Variants in CYTH2 observed in about 807,000 individuals in gnomAD.
The protein encoded by CYTH2 is cytohesin 2.
CYTH2 carries 24 observed loss-of-function variants against 55.4 expected under a neutral mutation model. The observed-to-expected ratio is 0.43, with a 90% confidence interval of 0.31 to 0.61. The LOEUF (loss-of-function observed/expected upper bound fraction) is 0.61, where lower values mean the gene tolerates loss of function less well. CYTH2 is among the 20% of genes least tolerant of loss of function. CYTH2 has a pLI of 0.08. For missense variants in CYTH2, 378 were observed against 533.5 expected (o/e 0.71, Z 2.87); for synonymous variants, 221 against 209.6 (o/e 1.05, Z -0.47).
chr19:48,473,635 C>T (rs1338544440), intron 5 of CYTH2: 3 of 596,982 alleles, frequency 5.0e-6, no homozygotes, highest in Non-Finnish European at 8.9e-6. Context: ...CAGCATTGCT[C>T]TCTGCAGACC....
chr19:48,470,758 C>T (rs1013577537), intron 3 of CYTH2, 89 bp downstream of exon 3: 125 of 1,439,156 alleles, frequency 8.7e-5, no homozygotes, highest in Non-Finnish European at 1.1e-4. Flanking sequence ...GTGATGGTGC[C>T]GGGTCTATTC....
rs1336476460 is a variant in CYTH2 at position 48,473,682 on chromosome 19, C to T, written c.435-223C>T. The T allele has an allele frequency of 6.7e-6, 4 of 599,404 alleles. No homozygotes were observed. In the African/African-American group the frequency reaches 7.4e-5, roughly 11 times the overall value. The allele number at this position is 599,404 out of a possible 1,614,324, so 37.1% of individuals were successfully genotyped here. On this transcript the variant is annotated intron_variant, in intron 5 of 11. Coordinates refer to ENST00000452733, the MANE Select transcript of CYTH2 (RefSeq NM_004228.7). ...TAACAAGCCTCAACCAACCCCCAGA[C>T]CTGTCTAGCGAACTTAGCAGAAAGA...
At position 48,479,914 on chromosome 19, in the gene CYTH2, C is replaced by G. The variant is rs917457148; in HGVS notation, c.*704C>G. 6.6e-6 allele frequency: 1 copy of G among 152,610 alleles called. No homozygotes were observed. Among genetic ancestry groups the G allele is most frequent in the African/African-American group, 2.4e-5 (1 of 41,412 alleles). 9.5% of individuals were successfully genotyped at this position (152,610 alleles called of 1,614,324 possible). ...CCTGAAGGGCTGGGCAGCCTTAGATCGGGCTAAGAGGGCAGGACTGTGGGC... is the reference window on the plus strand; with the variant it reads ...CCTGAAGGGCTGGGCAGCCTTAGATGGGGCTAAGAGGGCAGGACTGTGGGC... On this transcript the variant is annotated 3_prime_UTR_variant, in exon 12 of 12. Transcript: ENST00000452733.
At chr19:48,477,480 G>T (rs1971938764) in intron 8 of CYTH2, 1 of 155,400 alleles carries the variant, frequency 6.4e-6, no homozygotes, top group Non-Finnish European at 1.4e-5. Flanking sequence ...TCTCTGGGAG[G>T]GAGGAGCCCC....
rs1971838698 is a variant in CYTH2 at position 48,473,179 on chromosome 19, C to T, written c.354-119C>T. 32 of 1,099,220 alleles carry T rather than the reference C, an allele frequency of 2.9e-5. 1 individual carries two copies. The South Asian group carries it at 3.8e-4, about 13-fold the overall frequency. 68.1% of individuals were successfully genotyped at this position (1,099,220 alleles called of 1,614,324 possible). On this transcript the variant is annotated intron_variant, in intron 4 of 11. Transcript: ENST00000452733. ...GTGGGAGTCCAGCAGGAAACTTCAC[C>T]CTCGGCAGTGGGCAGCTGTGGTGCA... is the stretch of plus-strand genomic sequence containing the variant.
At chr19:48,471,692 G>A (rs935271917) in intron 3 of CYTH2, among the ~76,000 whole-genome samples, 5 of 152,320 alleles carry the variant, frequency 3.3e-5, no homozygotes, top group South Asian at 4.1e-4. Flanking sequence ...GAAGGACTGC[G>A]TCTGCTAACA....
At chr19:48,473,260 C>T (rs781607803) in intron 4 of CYTH2, 38 bp from the exon 5 acceptor site, 3 of 1,610,670 alleles carry the variant, frequency 1.9e-6, no homozygotes, top group Admixed American at 1.7e-5. Context: ...CTGCCCCATC[C>T]TTTCCAAACT....
At chr19:48,473,858 G>A in intron 5 of CYTH2, 47 bp from the exon 6 acceptor site, 1 of 1,470,984 alleles carries the variant, frequency 6.8e-7, no homozygotes, top group East Asian at 2.3e-5. Flanking sequence ...AGTGGGGACA[G>A]GCTCCCACCA....
rs1394066938 is a variant in CYTH2 at position 48,479,359 on chromosome 19, G to A, written c.*149G>A. On this transcript the variant is annotated 3_prime_UTR_variant, in exon 12 of 12. Transcript: ENST00000452733. ...TGTTCTTTGTAATTAACACGCTGTT[G>A]GTAATCTTATTAATTATTTAACCAC... 1 of 715,344 alleles carries A rather than the reference G, an allele frequency of 1.4e-6. No individual in the cohort carries two copies. The highest frequency in any genetic ancestry group is 1.8e-5 in the African/African-American group (1 of 55,846). 44.3% of individuals were successfully genotyped at this position (715,344 alleles called of 1,614,324 possible).
intron 5 of CYTH2, 49 bp from the exon 6 acceptor site, chr19:48,473,856 C>T (rs1233808529): frequency 6.9e-7 from 1 of 1,450,584 alleles, no homozygotes; most frequent in Non-Finnish European, 9.4e-7. Context: ...AGAGTGGGGA[C>T]AGGCTCCCAC....
Position 48,469,543 on chromosome 19 carries a change from C to T in CYTH2, c.19+17C>T. ...GCGTCTATGGTAGGTCGGGGAGGGGCGGGGTCGGCTGGGAGTTGCTGGAGC... is the reference window on the plus strand; with the variant it reads ...GCGTCTATGGTAGGTCGGGGAGGGGTGGGGTCGGCTGGGAGTTGCTGGAGC... On this transcript the variant is annotated intron_variant, in intron 1 of 11. Transcript: ENST00000452733. 7.5e-7 allele frequency: 1 copy of T among 1,324,676 alleles called. No individual in the cohort carries two copies. Among genetic ancestry groups the T allele is most frequent in the South Asian group, 2.2e-5 (1 of 46,312 alleles). 82.1% of individuals were successfully genotyped at this position (1,324,676 alleles called of 1,614,324 possible).
rs933224891 is a variant in CYTH2, at chr19:48,474,575, G to T, written c.696+245G>T. On this transcript the variant is annotated intron_variant, in intron 7 of 11. Coordinates refer to ENST00000452733, the MANE Select transcript of CYTH2 (RefSeq NM_004228.7). The surrounding 1 kb of genome is among the most constrained non-coding windows in gnomAD (Gnocchi z 4.9). ...TCTGTCTCTGGCTGTTGGGCTTTCC[G>T]GCCCTCGATTGGCCTCATTCCCCAT... Among the ~76,000 whole-genome samples the T allele has an allele frequency of 6.6e-6, 1 of 151,958 alleles. No homozygotes were observed. The highest frequency in any genetic ancestry group is 2.1e-4 in the South Asian group (1 of 4,824).
chr19:48,474,247 C>T lies in CYTH2; in HGVS notation c.613C>T (p.Arg205Trp), dbSNP rs1336327110. Residue 205 changes from arginine to tryptophan, a missense_variant, in exon 7 of 12, where the codon CGG (arginine) becomes TGG (tryptophan). Transcript: ENST00000452733. This position sits in a 1 kb window ranked among gnomAD's most constrained non-coding sequence, Gnocchi z 4.9. ...CACCAGTCTCCACAATCCCAATGTC[C>T]GGGACAAGCCGGGCCTGGAGCGCTT... Reference protein sequence around the residue: ...LNTSLHNPNVRDKPGLERFVA... With the variant: ...LNTSLHNPNVWDKPGLERFVA... 3.1e-6 allele frequency: 5 copies of T among 1,613,382 alleles called. No individual in the cohort carries two copies. The highest frequency in any genetic ancestry group is 1.3e-5 in the African/African-American group (1 of 74,996).
At position 48,474,306 on chromosome 19, in the gene CYTH2, G is replaced by A; in HGVS notation, c.672G>A (p.Gly224=). 1 of 1,610,718 alleles carries A rather than the reference G, an allele frequency of 6.2e-7. No individual in the cohort carries two copies. Among genetic ancestry groups the A allele is most frequent in the South Asian group, 1.1e-5 (1 of 90,546 alleles). ...TGAACCGGGGCATCAACGAGGGCGG[G>A]GACCTGCCTGAGGAGCTGCTCAGGG... ...VAMNRGINEG[G]DLPEELLRNL... Residue 224 remains glycine, a synonymous_variant, in exon 7 of 12, where the codon GGG becomes GGA. Transcript: ENST00000452733. This position sits in a 1 kb window ranked among gnomAD's most constrained non-coding sequence, Gnocchi z 4.9.
Position 48,470,364 on chromosome 19 carries a change from C to G in CYTH2, c.31C>G (p.Leu11Val), listed in dbSNP as rs1296085729. Residue 11 changes from leucine to valine, a missense_variant, in exon 2 of 12, where the codon CTG (leucine) becomes GTG (valine). By Grantham distance (32) the Leu-to-Val change is conservative. Coordinates refer to ENST00000452733, the MANE Select transcript of CYTH2 (RefSeq NM_004228.7). ...ACCCCGATCCCTAGAACCCCCAGAC[C>G]TGACTCCGGAGGAGCGGATGGAGCT... Reference protein sequence around the residue: MEDGVYEPPDLTPEERMELEN... With the variant: MEDGVYEPPDVTPEERMELEN... 2 of 1,611,978 alleles carry G rather than the reference C, an allele frequency of 1.2e-6. No individual in the cohort carries two copies. Among genetic ancestry groups the G allele is most frequent in the Non-Finnish European group, 1.7e-6 (2 of 1,178,862 alleles).
Position 48,472,378 on chromosome 19 carries a change from C to G in CYTH2, c.288C>G (p.Ile96Met). ...TGCTGCAGAACACACCCGAGGAGAT[C>G]GCCCGCTTCCTGTACAAGGGCGAGG... ...NELLQNTPEEIARFLYKGEGL... is the reference protein window; with the variant it reads ...NELLQNTPEEMARFLYKGEGL... Residue 96 changes from isoleucine to methionine, a missense_variant, in exon 4 of 12, where the codon ATC (isoleucine) becomes ATG (methionine). Coordinates refer to ENST00000452733, the MANE Select transcript of CYTH2 (RefSeq NM_004228.7). 1 of 1,613,986 alleles carries G rather than the reference C, an allele frequency of 6.2e-7. No homozygotes were observed. The highest frequency in any genetic ancestry group is 8.5e-7 in the Non-Finnish European group (1 of 1,180,012).
rs1972031699 is a variant in CYTH2, at chr19:48,480,718, A to G, written c.*1508A>G. ...GGTGGGAAATGGAGTTCCAAATGAG[A>G]AAATAGAATTCCCCACTTCTCTTTC... is the stretch of plus-strand genomic sequence containing the variant. On this transcript the variant is annotated 3_prime_UTR_variant, in exon 12 of 12. Transcript: ENST00000452733. 3 of 152,210 alleles carry G rather than the reference A, an allele frequency of 2.0e-5. No homozygotes were observed. Among genetic ancestry groups the G allele is most frequent in the Non-Finnish European group, 4.4e-5 (3 of 68,046 alleles). The allele number at this position is 152,210 out of a possible 1,614,324, so 9.4% of individuals were successfully genotyped here.
In CYTH2 at chr19:48,474,150, T is replaced by C. The variant is rs1291072518; in HGVS notation, c.548-32T>C. 6.4e-7 allele frequency: 1 copy of C among 1,560,832 alleles called. No individual in the cohort carries two copies. ...TGGGGGCACTGGGGACTGACATGCC[T>C]GGGTCGTCACCACCTGCCCTGTCCG... On this transcript the variant is annotated intron_variant, in intron 6 of 11. Transcript: ENST00000452733. This position sits in a 1 kb window ranked among gnomAD's most constrained non-coding sequence, Gnocchi z 4.9.
chr19:48,474,828 T>C lies in CYTH2; in HGVS notation c.697-10T>C. On this transcript the variant is annotated splice_polypyrimidine_tract_variant and intron_variant, in intron 7 of 11. Coordinates refer to ENST00000452733, the MANE Select transcript of CYTH2 (RefSeq NM_004228.7). This position sits in a 1 kb window ranked among gnomAD's most constrained non-coding sequence, Gnocchi z 4.9. ...GGGCTCGAATGGCTAATGCAGCCTTTACTCCTCAGAACCTGTACGACAGCA... is the reference window on the plus strand; with the variant it reads ...GGGCTCGAATGGCTAATGCAGCCTTCACTCCTCAGAACCTGTACGACAGCA... 6.2e-7 allele frequency: 1 copy of C among 1,613,974 alleles called. No homozygotes were observed. The highest frequency in any genetic ancestry group is 2.2e-5 in the East Asian group (1 of 44,860).
Sources: allele counts gnomAD v4.1 joint callset (sites outside exome capture counted in the v4.1 genomes callset), GRCh38; gene constraint gnomAD v4.1.1; non-coding constraint Gnocchi (gnomAD v3.1); transcripts MANE v1.5; gene names NCBI Gene and HGNC (gene_info 2026-07-23, HGNC 2026-07-21).